PSG4: variants seen among roughly 807,000 people sequenced by gnomAD.
PSG4 encodes the protein pregnancy-specific beta-1-glycoprotein 4.
In PSG4, 61 loss-of-function variants were observed where a neutral mutation model predicts 44.3. The observed-to-expected ratio is 1.38, with a 90% confidence interval of 1.12 to 1.70. PSG4 has a LOEUF of 1.70. Among genes scored for constraint, PSG4 ranks in the 40% most tolerant of loss-of-function variants. The probability of loss-of-function intolerance (pLI) is 0.00; values close to 1 mark genes in which losing one functional copy is unlikely to be tolerated. For synonymous variants in PSG4, 248 were observed against 191.3 expected (o/e 1.30, Z -2.45); for missense variants, 677 against 511.7 (o/e 1.32, Z -3.12).
chr19:43,202,687 G>T lies in PSG4; in HGVS notation c.430+1199C>A, dbSNP rs1367073664. Among the ~76,000 whole-genome samples the T allele has an allele frequency of 4.2e-5, 6 of 144,314 alleles. 1 individual carries two copies. Among genetic ancestry groups the T allele is most frequent in the African/African-American group, 1.3e-4 (5 of 37,374 alleles). The allele number at this position is 144,314 out of a possible 152,430, so 94.7% of individuals were successfully genotyped here. ...CAGGATTTCAAGTTCAGTGATGGGG[G>T]TTAAGATCTGAGGGGGAGGCCTGGA... is the stretch of plus-strand genomic sequence containing the variant. On this transcript the variant is annotated intron_variant, in intron 2 of 5. Coordinates refer to ENST00000405312, the MANE Select transcript of PSG4 (RefSeq NM_002780.5).
intron 2 of PSG4, 114 bp from the exon 3 acceptor site, chr19:43,198,389 G>C: frequency 6.9e-7 from 1 of 1,452,950 alleles, no homozygotes; most frequent in East Asian, 2.8e-5. Context: ...GTCCTTAAAA[G>C]CCCATGGAAG....
chr19:43,198,102 G>T lies in PSG4; in HGVS notation c.604C>A (p.Leu202Ile). The change falls in exon 3 of 6, where the codon CTC (leucine) becomes ATC (isoleucine). Residue 202 changes from leucine to isoleucine, a missense_variant. Leu to Ile is a conservative substitution (Grantham distance 5). Transcript: ENST00000405312. ...RLQLSKTNRT[L>I]FIFGVTKYIA... ...TACTTTGTGACACCAAATATAAAGA[G>T]GGTCCTGTTGGTTTTGGACAGCTGC... The T allele has an allele frequency of 5.7e-6, 9 of 1,587,704 alleles. No individual in the cohort carries two copies. Among genetic ancestry groups the T allele is most frequent in the Non-Finnish European group, 7.7e-6 (9 of 1,171,898 alleles).
intron 3 of PSG4, among the ~76,000 whole-genome samples, chr19:43,197,334 C>T (rs1488788524): frequency 6.9e-6 from 1 of 145,632 alleles, no homozygotes; most frequent in Non-Finnish European, 1.5e-5. Context: ...CTCCAGGGAT[C>T]CACTTACCAG....
rs1555724298 is a variant in PSG4, at chr19:43,204,694, T to TCCCCCCCCC, written c.65-444_65-443insGGGGGGGGG. 5.1e-4 allele frequency: 77 copies of TCCCCCCCCC among 151,766 alleles called. 2 individuals are homozygous for TCCCCCCCCC. The highest frequency in any genetic ancestry group is 1.1e-3 in the African/African-American group (19 of 16,734). 9.4% of individuals were successfully genotyped at this position (151,766 alleles called of 1,614,324 possible). The stretch of plus-strand genomic sequence containing the variant: ...TCTAGATCACTTAGCATGTCTGTCT[T>TCCCCCCCCC]CCCCCCACGATGACTGTGTGAGCTC... On this transcript the variant is annotated intron_variant, in intron 1 of 5. Transcript: ENST00000405312.
Position 43,204,112 on chromosome 19 carries a change from G to T in PSG4, c.204C>A (p.Tyr68Ter), listed in dbSNP as rs1206418761. 8.2e-6 allele frequency: 13 copies of T among 1,586,890 alleles called. 2 individuals carry two copies. Among genetic ancestry groups the T allele is most frequent in the Non-Finnish European group, 1.1e-5 (13 of 1,171,472 alleles). ...LPQNLAGYIW[Y>*]KGQMTYLYHY... is the part of the protein sequence containing the mutation. Reference sequence around the variant, plus strand: ...GGTAGAGGTATGTCATTTGCCCTTTGTACCAAATGTAGCCAGCAAGATTCT... The same window carrying T: ...GGTAGAGGTATGTCATTTGCCCTTTTTACCAAATGTAGCCAGCAAGATTCT... Residue 68 changes from tyrosine to a stop codon, truncating the protein, a stop_gained, in exon 2 of 6, where the codon TAC (tyrosine) becomes TAA (stop). Transcript: ENST00000405312. LOFTEE classifies it high-confidence loss of function.
intron 2 of PSG4, among the ~76,000 whole-genome samples, chr19:43,202,710 G>A (rs1256228047): frequency 6.9e-6 from 1 of 144,542 alleles, no homozygotes; most frequent in Non-Finnish European, 1.5e-5. Context: ...GGGGAGGCCT[G>A]GACATATTTT....
At chr19:43,201,312 G>T (rs1967500273) in intron 2 of PSG4, among the ~76,000 whole-genome samples, 1 of 145,556 alleles carries the variant, frequency 6.9e-6, no homozygotes, top group African/African-American at 2.6e-5. Flanking sequence ...TGTCAAACTA[G>T]TGAAAGACCA....
rs1568385645 is a variant in PSG4 at position 43,197,801 on chromosome 19, G to C, written c.709+196C>G. ...GTGGAACCTGAGTCTCCCATGACAG[G>C]AGCAGCCTCTTTTCTCCTATTGTGG... On this transcript the variant is annotated intron_variant, in intron 3 of 5. Transcript: ENST00000405312. The C allele has an allele frequency of 1.7e-5, 19 of 1,149,988 alleles. 1 individual carries two copies. The highest frequency in any genetic ancestry group is 3.0e-4 in the Middle Eastern group (1 of 3,314). The allele number at this position is 1,149,988 out of a possible 1,614,324, so 71.2% of individuals were successfully genotyped here. A position where few individuals can be genotyped will look rare whatever the true frequency, so the allele number is the denominator to read the frequency against.
Position 43,202,344 on chromosome 19 carries a change from C to A in PSG4, c.430+1542G>T, listed in dbSNP as rs141581494. Among the ~76,000 whole-genome samples the A allele has an allele frequency of 3.9e-3, 556 of 143,742 alleles. 81 individuals are homozygous for A. Among genetic ancestry groups the A allele is most frequent in the Middle Eastern group, 0.014 (4 of 288 alleles). The allele number at this position is 143,742 out of a possible 152,430, so 94.3% of individuals were successfully genotyped here. A position where few individuals can be genotyped will look rare whatever the true frequency, so the allele number is the denominator to read the frequency against. On this transcript the variant is annotated intron_variant, in intron 2 of 5. Transcript: ENST00000405312. ...AGGAGCCCAGAGAACCCTCTGGTGGCCAAAGAGCTTCAGAGTTACATGAGG... is the reference window on the plus strand; with the variant it reads ...AGGAGCCCAGAGAACCCTCTGGTGGACAAAGAGCTTCAGAGTTACATGAGG...
Position 43,192,954 on chromosome 19 carries a change from G to A in PSG4, c.*418C>T, listed in dbSNP as rs751803861. 11,852 of 445,174 alleles carry A rather than the reference G, an allele frequency of 0.027. 237 individuals are homozygous for A. The highest frequency in any genetic ancestry group is 0.036 in the Non-Finnish European group (8,908 of 247,246). The allele number at this position is 445,174 out of a possible 1,614,324, so 27.6% of individuals were successfully genotyped here. On this transcript the variant is annotated 3_prime_UTR_variant, in exon 6 of 6. Transcript: ENST00000405312. ...AGCCACATTTCCCCTGAGATGTTACGTAAAAGTTTGAGGTTGAGATGACAT... is the reference window on the plus strand; with the variant it reads ...AGCCACATTTCCCCTGAGATGTTACATAAAAGTTTGAGGTTGAGATGACAT...
Position 43,204,872 on chromosome 19 carries a change from C to CT in PSG4, c.64+600_64+601insA, listed in dbSNP as rs770556169. 14 of 402,392 alleles carry CT rather than the reference C, an allele frequency of 3.5e-5. 3 individuals carry two copies. The highest frequency in any genetic ancestry group is 6.8e-5 in the Non-Finnish European group (14 of 204,976). 24.9% of individuals were successfully genotyped at this position (402,392 alleles called of 1,614,324 possible). On this transcript the variant is annotated intron_variant, in intron 1 of 5. Transcript: ENST00000405312. ...AGGTTTCTTGCTGAGGACAGTGTTTCATGTCCTGCTTATATTTTCATTTGA... is the reference window on the plus strand; with the variant it reads ...AGGTTTCTTGCTGAGGACAGTGTTTCTATGTCCTGCTTATATTTTCATTTGA...
At chr19:43,205,133 A>G (rs1365440646) in intron 1 of PSG4, among the ~76,000 whole-genome samples, 3 of 22,786 alleles carry the variant, frequency 1.3e-4, no homozygotes, top group African/African-American at 7.0e-4. Flanking sequence ...TTTGAGACGG[A>G]GTCTCGTCCT....
intron 4 of PSG4, 87 bp from the exon 5 acceptor site, chr19:43,194,681 A>G (rs1967157988): frequency 2.6e-6 from 4 of 1,521,930 alleles, no homozygotes; most frequent in Non-Finnish European, 3.5e-6. Flanking sequence ...GTTACCCTCT[A>G]AGCCAAGACA....
intron 2 of PSG4, chr19:43,203,327 A>G (rs191361475): frequency 6.6e-6 from 1 of 150,480 alleles, no homozygotes; most frequent in Non-Finnish European, 1.4e-5. Flanking sequence ...GTCCTTGCCC[A>G]GATGAGGCTC....
chr19:43,198,549 C>T (rs1156851477), intron 2 of PSG4: 2 of 511,206 alleles, frequency 3.9e-6, no homozygotes, highest in East Asian at 6.5e-5. Context: ...CAGTCACAGA[C>T]CCGATGCCTC....
At position 43,204,840 on chromosome 19, in the gene PSG4, A is replaced by T. The variant is rs201922842; in HGVS notation, c.65-589T>A. On this transcript the variant is annotated intron_variant, in intron 1 of 5. Transcript: ENST00000405312. ...CTCTGGATGTTTCTTTTTCCCCCCAATTGTTGAGGTTTCTTGCTGAGGACA... is the reference window on the plus strand; with the variant it reads ...CTCTGGATGTTTCTTTTTCCCCCCATTTGTTGAGGTTTCTTGCTGAGGACA... The T allele has an allele frequency of 1.2e-5, 5 of 424,104 alleles. 1 individual carries two copies. The highest frequency in any genetic ancestry group is 3.4e-5 in the South Asian group (2 of 58,352). 26.3% of individuals were successfully genotyped at this position (424,104 alleles called of 1,614,324 possible).
At chr19:43,200,732 A>C (rs754432279) in intron 2 of PSG4, among the ~76,000 whole-genome samples, 3 of 144,988 alleles carry the variant, frequency 2.1e-5, no homozygotes, top group East Asian at 2.4e-4. Flanking sequence ...TCCGCCACCA[A>C]GCCCGGCTAA....
At position 43,194,618 on chromosome 19, in the gene PSG4, T is replaced by C. The variant is rs1160281808; in HGVS notation, c.989-24A>G. ...ATCTGGCGCAAAGAGAATAAAGCCA[T>C]AGGTGATGTCATCCGAGGGAAGGGG... is the stretch of plus-strand genomic sequence containing the variant. On this transcript the variant is annotated intron_variant, in intron 4 of 5. Coordinates refer to ENST00000405312, the MANE Select transcript of PSG4 (RefSeq NM_002780.5). 6.3e-6 allele frequency: 10 copies of C among 1,596,556 alleles called. 1 individual carries two copies. Among genetic ancestry groups the C allele is most frequent in the Middle Eastern group, 1.7e-4 (1 of 5,972 alleles).
chr19:43,204,696 C>CCCCCCG (rs1555724311), intron 1 of PSG4: 1 of 171,716 alleles, frequency 5.8e-6, no homozygotes, highest in African/African-American at 4.9e-5. Flanking sequence ...GTCTGTCTTC[C>CCCCCCG]CCCCACGATG....
Sources: allele counts gnomAD v4.1 joint callset (sites outside exome capture counted in the v4.1 genomes callset), GRCh38; gene constraint gnomAD v4.1.1; transcripts MANE v1.5; gene names NCBI Gene and HGNC (gene_info 2026-07-23, HGNC 2026-07-21).